NRCAM: variants seen among roughly 807,000 people sequenced by gnomAD.
NRCAM encodes NgCAM-related cell adhesion molecule.
In NRCAM, 83 loss-of-function variants were observed where a neutral mutation model predicts 156.5. That is an observed-to-expected ratio of 0.53 (90% confidence interval 0.44 to 0.64). The LOEUF (loss-of-function observed/expected upper bound fraction) is 0.64. Ranked by LOEUF, NRCAM falls within the 30% of genes least tolerant of loss-of-function variation. The pLI is 0.00. For synonymous variants in NRCAM, 538 were observed against 563.9 expected (o/e 0.95, Z 0.65); for missense variants, 1,417 against 1,597.3 (o/e 0.89, Z 1.92).
chr7:108,185,348 C>G (rs2066034290), intron 20 of NRCAM, among the ~76,000 whole-genome samples: 1 of 152,138 alleles, frequency 6.6e-6, no homozygotes, highest in African/African-American at 2.4e-5. Flanking sequence ...GCAATTGAAA[C>G]AACCTAATTG....
intron 3 of NRCAM, among the ~76,000 whole-genome samples, chr7:108,274,681 GCAAA>G (rs1029134854): frequency 2.4e-4 from 36 of 152,188 alleles, no homozygotes; most frequent in African/African-American, 8.4e-4. Flanking sequence ...CACGTCATCT[GCAAA>G]CAAAGACAAT....
intron 11 of NRCAM, among the ~76,000 whole-genome samples, chr7:108,218,930 C>T (rs796833903): frequency 5.3e-5 from 8 of 151,980 alleles, no homozygotes; most frequent in East Asian, 1.9e-4. Context: ...GCTGGTTCTT[C>T]GAAAAGATAA....
chr7:108,402,059 TTCAGC>T (rs936016420), intron 1 of NRCAM, among the ~76,000 whole-genome samples: 8 of 152,206 alleles, frequency 5.3e-5, no homozygotes, highest in Admixed American at 3.9e-4. Flanking sequence ...TTTGGAGAAG[TTCAGC>T]TCAGGCAGCC....
chr7:108,345,898 T>C (rs1321349288), intron 2 of NRCAM, among the ~76,000 whole-genome samples: 1 of 152,164 alleles, frequency 6.6e-6, no homozygotes, highest in African/African-American at 2.4e-5. Context: ...ACAATGGGTG[T>C]CTGTGGGGGA....
rs192569727 is a variant in NRCAM, at chr7:108,209,252, T to G, written c.1075+169A>C. On this transcript the variant is annotated intron_variant, in intron 12 of 32. Coordinates refer to ENST00000379028, the MANE Select transcript of NRCAM (RefSeq NM_001037132.4). The stretch of plus-strand genomic sequence containing the variant: ...GAGGAAGATTTGAACAAGTAAATTT[T>G]TAACCTGATTTAGATGCACTACCAA... 2.3e-3 allele frequency among the ~76,000 whole-genome samples: 355 copies of G among 152,326 alleles called. 1 individual carries two copies. The highest frequency in any genetic ancestry group is 8.0e-3 in the African/African-American group (332 of 41,570).
intron 2 of NRCAM, among the ~76,000 whole-genome samples, chr7:108,315,777 C>T (rs375306109): frequency 3.3e-5 from 5 of 152,178 alleles, no homozygotes; most frequent in Non-Finnish European, 7.4e-5. Context: ...TGCAGGTGAA[C>T]CAATGTGGAT....
At chr7:108,391,055 T>C (rs1310852881) in intron 2 of NRCAM, among the ~76,000 whole-genome samples, 1 of 152,182 alleles carries the variant, frequency 6.6e-6, no homozygotes, top group East Asian at 1.9e-4. Flanking sequence ...TTCTGTTGAT[T>C]TGGGGTGGAA....
intron 1 of NRCAM, among the ~76,000 whole-genome samples, chr7:108,414,924 G>A (rs189053068): frequency 1.5e-4 from 23 of 152,144 alleles, no homozygotes; most frequent in Non-Finnish European, 5.9e-5. Context: ...TGAACAGAGG[G>A]GCTTGCTGGG....
intron 1 of NRCAM, among the ~76,000 whole-genome samples, chr7:108,433,527 A>G (rs1828337776): frequency 6.6e-6 from 1 of 152,244 alleles, no homozygotes; most frequent in Admixed American, 6.5e-5. Flanking sequence ...TCAGGCCTAA[A>G]GGAAGGTTTC....
chr7:108,296,009 C>A (rs549354782), intron 3 of NRCAM, among the ~76,000 whole-genome samples: 59 of 152,286 alleles, frequency 3.9e-4, no homozygotes, highest in African/African-American at 1.4e-3. Flanking sequence ...CTTGAGCTAG[C>A]GGAGAGTTCC....
chr7:108,411,270 T>G (rs540028320), intron 1 of NRCAM, among the ~76,000 whole-genome samples: 1 of 152,282 alleles, frequency 6.6e-6, no homozygotes, highest in South Asian at 2.1e-4. Context: ...GGGAGATACA[T>G]TTTGGCTTTT....
At chr7:108,241,242 T>C (rs754450611) in intron 3 of NRCAM, among the ~76,000 whole-genome samples, 1 of 152,198 alleles carries the variant, frequency 6.6e-6, no homozygotes, top group Non-Finnish European at 1.5e-5. Flanking sequence ...GAAAGGACTG[T>C]CTCTCTCATC....
chr7:108,288,991 T>C (rs1435897585), intron 3 of NRCAM, among the ~76,000 whole-genome samples: 1 of 152,138 alleles, frequency 6.6e-6, no homozygotes, highest in East Asian at 1.9e-4. Flanking sequence ...AAGATCAGCC[T>C]GATTGGAATA....
At chr7:108,178,722 A>G (rs1186799355) in intron 25 of NRCAM, among the ~76,000 whole-genome samples, 6 of 152,194 alleles carry the variant, frequency 3.9e-5, no homozygotes, top group Admixed American at 3.9e-4. Context: ...AGGCTGGCAA[A>G]TCACCAGAGG....
chr7:108,301,314 A>C (rs1302485317), intron 3 of NRCAM, among the ~76,000 whole-genome samples: 1 of 152,214 alleles, frequency 6.6e-6, no homozygotes. Context: ...GGCAAGCAAA[A>C]TGTGGAAATG....
At chr7:108,316,652 G>A (rs377445853) in intron 2 of NRCAM, among the ~76,000 whole-genome samples, 2 of 152,006 alleles carry the variant, frequency 1.3e-5, no homozygotes, top group South Asian at 4.1e-4. Flanking sequence ...GGGTGTAGTG[G>A]CAGGCATCTG....
chr7:108,319,054 T>C (rs549759247), intron 2 of NRCAM, among the ~76,000 whole-genome samples: 14 of 152,272 alleles, frequency 9.2e-5, no homozygotes, highest in Non-Finnish European at 1.8e-4. Flanking sequence ...TTTTCTAAGA[T>C]GGATATGATA....
Position 108,190,403 on chromosome 7 carries a change from C to G in NRCAM, c.1934-657G>C, listed in dbSNP as rs1379653147. 5.3e-5 allele frequency among the ~76,000 whole-genome samples: 8 copies of G among 152,272 alleles called. No homozygotes were observed. The East Asian group carries it at 1.5e-3, about 29-fold the overall frequency. On this transcript the variant is annotated intron_variant, in intron 19 of 32. Transcript: ENST00000379028. The stretch of plus-strand genomic sequence containing the variant: ...GAGATCCAGAGAGTTACTGTTCCCC[C>G]CAGGCCTTTATTTGACCTTGCTCCT...
At chr7:108,295,462 T>C (rs1033866372) in intron 3 of NRCAM, among the ~76,000 whole-genome samples, 4 of 152,170 alleles carry the variant, frequency 2.6e-5, no homozygotes, top group African/African-American at 9.7e-5. Flanking sequence ...GACCTACTTC[T>C]TGGTTCACAG....
Sources: allele counts gnomAD v4.1 joint callset (sites outside exome capture counted in the v4.1 genomes callset), GRCh38; gene constraint gnomAD v4.1.1; transcripts MANE v1.5; gene names NCBI Gene and HGNC (gene_info 2026-07-23, HGNC 2026-07-21).